H2BC18: variants seen among roughly 807,000 people sequenced by gnomAD.
H2BC18 encodes H2B clustered histone 18, also known as histone H2B type 2-F.
In H2BC18, 8 loss-of-function variants were observed where a neutral mutation model predicts 6.3. That is an observed-to-expected ratio of 1.28 (90% confidence interval 0.75 to 2.31). The LOEUF is 2.31. Ranked by LOEUF, H2BC18 falls within the 30% of genes most tolerant of loss-of-function variation. The pLI, the probability that H2BC18 is intolerant of heterozygous loss-of-function variation, is 0.00. For synonymous variants in H2BC18, 104 were observed against 78.1 expected, an observed-to-expected ratio of 1.33 and a Z score of -1.75; for missense variants, 106 against 174.5, an observed-to-expected ratio of 0.61 and a Z score of 2.21.
intron 1 of H2BC18, among the ~76,000 whole-genome samples, chr1:149,789,766 C>A (rs1348645235): frequency 6.6e-5 from 10 of 152,148 alleles, no homozygotes; most frequent in Non-Finnish European, 1.5e-4. Flanking sequence ...CCCCACTTCA[C>A]CCCCCGGCTG....
At chr1:149,804,438 C>A (rs1394515166) in intron 1 of H2BC18, among the ~76,000 whole-genome samples, 2 of 152,102 alleles carry the variant, frequency 1.3e-5, no homozygotes, top group Non-Finnish European at 2.9e-5. Context: ...TTGTGAAAAT[C>A]CCTTATTGGA....
chr1:149,791,537 C>T (rs1269072816), intron 1 of H2BC18: 1 of 1,610,228 alleles, frequency 6.2e-7, no homozygotes, highest in Non-Finnish European at 8.5e-7. Flanking sequence ...AGTGGGTGGC[C>T]ATCGATCTGG....
chr1:149,784,056 G>A (rs1391946899), intron 1 of H2BC18: 2 of 1,610,680 alleles, frequency 1.2e-6, no homozygotes, highest in African/African-American at 1.3e-5. Flanking sequence ...CGTGTTCCAA[G>A]AGGAAACCGT....
At chr1:149,797,244 AT>A (rs1235737761) in intron 1 of H2BC18, among the ~76,000 whole-genome samples, 4 of 151,652 alleles carry the variant, frequency 2.6e-5, no homozygotes, top group Admixed American at 2.0e-4. Context: ...TGTATATCTG[AT>A]TTTTTTTCTG....
chr1:149,812,309 CGCTGG>C lies in H2BC18; in HGVS notation c.10_14del (p.Pro4GlufsTer134). The C allele has an allele frequency of 6.2e-7, 1 of 1,614,140 alleles. No individual in the cohort carries two copies. Among genetic ancestry groups the C allele is most frequent in the Non-Finnish European group, 8.5e-7 (1 of 1,180,030 alleles). The stretch of plus-strand genomic sequence containing the variant: ...CCTTCTTGGGAGCAGGAGCGGATTT[CGCTGG>C]ATCCGGCATTTTTGCGCGAAAAAAG... On this transcript the variant is annotated frameshift_variant, in exon 1 of 1. Coordinates refer to ENST00000369167, the MANE Select transcript of H2BC18 (RefSeq NM_001024599.5). LOFTEE classifies it high-confidence loss of function.
intron 1 of H2BC18, among the ~76,000 whole-genome samples, chr1:149,800,497 C>T (rs1179524759): frequency 7.6e-5 from 11 of 144,284 alleles, no homozygotes; most frequent in South Asian, 2.4e-4. Flanking sequence ...GGCTGCCAGA[C>T]ATCAGTCAAC....
At position 149,811,899 on chromosome 1, in the gene H2BC18, C is replaced by G. The variant is rs1553754491; in HGVS notation, c.*44G>C. 37 of 1,539,356 alleles carry G rather than the reference C, an allele frequency of 2.4e-5. No homozygotes were observed. In the East Asian group the frequency reaches 4.1e-4, roughly 17 times the overall value. On this transcript the variant is annotated 3_prime_UTR_variant, in exon 1 of 1. Coordinates refer to ENST00000369167, the MANE Select transcript of H2BC18 (RefSeq NM_001024599.5). ...ATTACTGAAGTGGCTCTGAAAAGAG[C>G]CTTTGGGGTTAGGTGGTTGATCTAT...
chr1:149,801,228 G>T (rs1553753303), intron 1 of H2BC18, among the ~76,000 whole-genome samples: 1 of 151,584 alleles, frequency 6.6e-6, no homozygotes, highest in African/African-American at 2.4e-5. Flanking sequence ...TCATTTTTTG[G>T]TCCACTCCTG....
At position 149,811,926 on chromosome 1, in the gene H2BC18, G is replaced by A. The variant is rs1203804258; in HGVS notation, c.*17C>T. On this transcript the variant is annotated 3_prime_UTR_variant, in exon 1 of 1. Coordinates refer to ENST00000369167, the MANE Select transcript of H2BC18 (RefSeq NM_001024599.5). The stretch of plus-strand genomic sequence containing the variant: ...TTTGGGGTTAGGTGGTTGATCTATT[G>A]CGTCCCTTGCACACTCTTACTTCGA... 4.4e-6 allele frequency: 7 copies of A among 1,601,304 alleles called. No individual in the cohort carries two copies. The highest frequency in any genetic ancestry group is 3.4e-6 in the Non-Finnish European group (4 of 1,169,552).
chr1:149,799,810 G>A (rs868924569), intron 1 of H2BC18, among the ~76,000 whole-genome samples: 8 of 152,094 alleles, frequency 5.3e-5, no homozygotes, highest in South Asian at 2.1e-4. Context: ...TCATGAGGAC[G>A]GAGAAACTCA....
intron 1 of H2BC18, chr1:149,792,749 A>C (rs1357717152): frequency 3.0e-5 from 39 of 1,283,652 alleles, no homozygotes; most frequent in Non-Finnish European, 3.5e-5. Context: ...GCCAAAACCC[A>C]GTGAGAAATT....
chr1:149,797,255 G>A (rs1283880246), intron 1 of H2BC18, among the ~76,000 whole-genome samples: 2 of 151,908 alleles, frequency 1.3e-5, no homozygotes, highest in African/African-American at 2.4e-5. Context: ...TTTTTTTTCT[G>A]TTTCTCTTAT....
intron 1 of H2BC18, among the ~76,000 whole-genome samples, chr1:149,797,342 A>G (rs1458507147): frequency 1.3e-5 from 2 of 152,192 alleles, no homozygotes; most frequent in African/African-American, 4.8e-5. Flanking sequence ...TGGAAAAGTC[A>G]ACATTTTGTC....
chr1:149,785,262 C>T (rs1484831647), intron 1 of H2BC18, among the ~76,000 whole-genome samples: 6 of 152,040 alleles, frequency 3.9e-5, no homozygotes, highest in African/African-American at 1.4e-4. Context: ...TTTATGCAGA[C>T]ATGGTTGCTG....
intron 1 of H2BC18, among the ~76,000 whole-genome samples, chr1:149,793,557 G>T (rs1218372367): frequency 1.3e-5 from 2 of 152,020 alleles, no homozygotes; most frequent in Non-Finnish European, 2.9e-5. Flanking sequence ...ACTTAGAGGG[G>T]TGGTGGGGTG....
intron 1 of H2BC18, chr1:149,784,229 T>C: frequency 1.2e-6 from 2 of 1,611,146 alleles, no homozygotes; most frequent in Non-Finnish European, 1.7e-6. Context: ...CAGGGCGAAG[T>C]GACCCCATAC....
rs587645491 is a variant in H2BC18 at position 149,791,461 on chromosome 1, AAAG to A, written c.378-8204_378-8202del. 1,114 of 1,608,606 alleles carry A rather than the reference AAAG, an allele frequency of 6.9e-4. 10 individuals are homozygous for A. The African/African-American group carries it at 0.011, about 16-fold the overall frequency. ...AGAAGAGCTGAAATGTCAGGAACAA[AAAG>A]AAGAACAGCTGCAGGAAGGGGTGCA... On this transcript the variant is annotated intron_variant, in intron 1 of 1. Transcript: ENST00000545683.
chr1:149,810,477 T>G (rs2091961960), downstream of H2BC18: 1 of 152,194 alleles, frequency 6.6e-6, no homozygotes, highest in East Asian at 1.9e-4. Flanking sequence ...AAAATTCATT[T>G]TAAGCACAAA....
downstream of H2BC18, chr1:149,810,735 GT>G (rs1374272375): frequency 6.6e-6 from 1 of 152,146 alleles, no homozygotes; most frequent in Non-Finnish European, 1.5e-5. Context: ...TCCTCAAATT[GT>G]TTCCTTTCTC....
Sources: gnomAD v4.1 joint callset for allele counts (sites outside exome capture counted in the v4.1 genomes callset) on GRCh38, gnomAD v4.1.1 for gene constraint, MANE v1.5 for transcripts, NCBI Gene and HGNC (gene_info 2026-07-23, HGNC 2026-07-21) for gene names.